Variants in ADAM2 observed in about 807,000 individuals in gnomAD.
The protein encoded by ADAM2 is disintegrin and metalloproteinase domain-containing protein 2.
In ADAM2, 101 loss-of-function variants were observed where a neutral mutation model predicts 99.3. The ratio of observed to expected loss-of-function variants is 1.02; its 90% CI spans 0.87 to 1.20. The LOEUF is 1.20. Among genes scored for constraint, ADAM2 ranks in the 50% most tolerant of loss-of-function variants. The probability of loss-of-function intolerance (pLI) is 0.00; values close to 1 mark genes in which losing one functional copy is unlikely to be tolerated. For synonymous variants in ADAM2, 323 were observed against 287.6 expected, an observed-to-expected ratio of 1.12 and a Z score of -1.25; for missense variants, 948 against 878.7, an observed-to-expected ratio of 1.08 and a Z score of -1.00.
intron 11 of ADAM2, among the ~76,000 whole-genome samples, chr8:39,774,385 A>T (rs1802906850): frequency 6.6e-6 from 1 of 152,028 alleles, no homozygotes; most frequent in South Asian, 2.1e-4. Context: ...ATAATATATA[A>T]TTACATGTGA....
intron 2 of ADAM2, among the ~76,000 whole-genome samples, chr8:39,836,205 AT>A (rs200796628): frequency 6.6e-5 from 10 of 151,320 alleles, no homozygotes; most frequent in Admixed American, 2.0e-4. Flanking sequence ...GAAAATGGGC[AT>A]TTTTTTTTAC....
chr8:39,744,707 C>T (rs905263632), intron 20 of ADAM2, 123 bp downstream of exon 20: 13 of 565,012 alleles, frequency 2.3e-5, no homozygotes, highest in African/African-American at 7.7e-5. Context: ...ACCTAGATGA[C>T]GGGTTGATAG....
At chr8:39,777,298 A>C in intron 10 of ADAM2, 137 bp from the exon 11 acceptor site, 1 of 576,584 alleles carries the variant, frequency 1.7e-6, no homozygotes, top group South Asian at 3.0e-5. Flanking sequence ...TGTTGGTCTA[A>C]CTCATTATAA....
At chr8:39,801,721 T>C (rs990275596) in intron 7 of ADAM2, among the ~76,000 whole-genome samples, 7 of 151,658 alleles carry the variant, frequency 4.6e-5, no homozygotes, top group Non-Finnish European at 7.4e-5. Flanking sequence ...GCTGGAGTTA[T>C]TGGAGATGCT....
chr8:39,817,733 A>G (rs985344990), intron 6 of ADAM2, among the ~76,000 whole-genome samples: 6 of 152,010 alleles, frequency 3.9e-5, no homozygotes, highest in African/African-American at 1.4e-4. Flanking sequence ...CTGACCACAC[A>G]AAAAAGAAAA....
chr8:39,752,825 C>T (rs1214275088), intron 16 of ADAM2, among the ~76,000 whole-genome samples: 1 of 152,154 alleles, frequency 6.6e-6, no homozygotes, highest in Non-Finnish European at 1.5e-5. Context: ...CTCTTGCCTG[C>T]CTCCACGTAA....
At chr8:39,795,843 T>C (rs1803913886) in intron 7 of ADAM2, among the ~76,000 whole-genome samples, 2 of 152,168 alleles carry the variant, frequency 1.3e-5, no homozygotes. Flanking sequence ...CTAAAAATAT[T>C]TGGATTTGTA....
At chr8:39,826,483 G>T (rs553672036) in intron 3 of ADAM2, among the ~76,000 whole-genome samples, 2 of 152,262 alleles carry the variant, frequency 1.3e-5, no homozygotes, top group Non-Finnish European at 2.9e-5. Flanking sequence ...CAGCACTTTG[G>T]AAAGCCGAGG....
chr8:39,768,360 A>C (rs1396620724), intron 12 of ADAM2, among the ~76,000 whole-genome samples: 1 of 152,164 alleles, frequency 6.6e-6, no homozygotes, highest in Non-Finnish European at 1.5e-5. Flanking sequence ...GGCACAATGA[A>C]GTCTACTTAG....
intron 4 of ADAM2, among the ~76,000 whole-genome samples, chr8:39,823,178 G>A (rs562833502): frequency 6.6e-6 from 1 of 152,240 alleles, no homozygotes; most frequent in Admixed American, 6.5e-5. Context: ...CAAAATCCAG[G>A]ACAATGATGA....
chr8:39,766,748 A>C, intron 14 of ADAM2, 100 bp downstream of exon 14: 3 of 916,284 alleles, frequency 3.3e-6, no homozygotes, highest in Non-Finnish European at 4.9e-6. Flanking sequence ...TATTTAAACT[A>C]AATGTGACAT....
At chr8:39,773,838 C>T (rs998801979) in intron 11 of ADAM2, among the ~76,000 whole-genome samples, 2 of 151,618 alleles carry the variant, frequency 1.3e-5, no homozygotes, top group South Asian at 2.1e-4. Context: ...ATATGAAGCC[C>T]GTGTAACTGT....
At chr8:39,803,948 C>A (rs960853199) in intron 7 of ADAM2, among the ~76,000 whole-genome samples, 2 of 152,160 alleles carry the variant, frequency 1.3e-5, no homozygotes, top group Non-Finnish European at 2.9e-5. Flanking sequence ...ATTGTTAGAG[C>A]CACATCCTTA....
At position 39,814,800 on chromosome 8, in the gene ADAM2, G is replaced by T. The variant is rs1243267254; in HGVS notation, c.514-5334C>A. On this transcript the variant is annotated intron_variant, in intron 6 of 20. Coordinates refer to ENST00000265708, the MANE Select transcript of ADAM2 (RefSeq NM_001464.5). Reference sequence around the variant, plus strand: ...TTTGGACTGGGACTGAATATCTGTAGGTTACAGTAGGTAAAGCCATAGAAC... The same window carrying T: ...TTTGGACTGGGACTGAATATCTGTATGTTACAGTAGGTAAAGCCATAGAAC... Among the ~76,000 whole-genome samples the T allele has an allele frequency of 2.6e-5, 4 of 151,180 alleles. No individual in the cohort carries two copies. The South Asian group carries it at 8.3e-4, about 31-fold the overall frequency.
chr8:39,831,455 C>T (rs188211806), intron 3 of ADAM2, among the ~76,000 whole-genome samples: 9 of 152,166 alleles, frequency 5.9e-5, no homozygotes, highest in East Asian at 1.9e-4. Flanking sequence ...TTCACTCAAA[C>T]GAGCTCATCA....
rs757521115 is a variant in ADAM2 at position 39,746,638 on chromosome 8, G to GA, written c.2015-8dup. 648 of 1,531,994 alleles carry GA rather than the reference G, an allele frequency of 4.2e-4. No individual in the cohort carries two copies. Among genetic ancestry groups the GA allele is most frequent in the South Asian group, 1.6e-3 (125 of 77,506 alleles). 94.9% of individuals were successfully genotyped at this position (1,531,994 alleles called of 1,614,324 possible). On this transcript the variant is annotated splice_polypyrimidine_tract_variant and splice_region_variant and intron_variant, in intron 18 of 20. Coordinates refer to ENST00000265708, the MANE Select transcript of ADAM2 (RefSeq NM_001464.5). ...TTCTCAATGTAGCGCCTTTCTAGAA[G>GA]AAAAAAAAATCAAAGATTTGAAAGC...
chr8:39,811,199 A>G (rs1263583406), intron 6 of ADAM2, among the ~76,000 whole-genome samples: 1 of 152,242 alleles, frequency 6.6e-6, no homozygotes, highest in Non-Finnish European at 1.5e-5. Flanking sequence ...AGAAATGGAT[A>G]AATTCCTGGA....
intron 3 of ADAM2, among the ~76,000 whole-genome samples, chr8:39,830,088 A>G (rs1420037330): frequency 6.6e-6 from 1 of 152,142 alleles, no homozygotes; most frequent in East Asian, 1.9e-4. Flanking sequence ...TTACATAAAT[A>G]TTCACTTCAC....
intron 20 of ADAM2, among the ~76,000 whole-genome samples, chr8:39,744,326 A>G (rs1349970825): frequency 2.0e-5 from 3 of 152,278 alleles, no homozygotes; most frequent in South Asian, 2.1e-4. Flanking sequence ...TCTGAAAAAT[A>G]TAATTCCGAA....
Sources: allele counts gnomAD v4.1 joint callset (sites outside exome capture counted in the v4.1 genomes callset), GRCh38; gene constraint gnomAD v4.1.1; transcripts MANE v1.5; gene names NCBI Gene and HGNC (gene_info 2026-07-23, HGNC 2026-07-21).